Variants in CFAP61 observed in about 807,000 individuals in gnomAD.
CFAP61 encodes the protein cilia- and flagella-associated protein 61.
In CFAP61, 107 loss-of-function variants were observed where a neutral mutation model predicts 135.6. That is an observed-to-expected ratio of 0.79 (90% confidence interval 0.67 to 0.93). The LOEUF (loss-of-function observed/expected upper bound fraction) is 0.93, where lower values mean the gene tolerates loss of function less well. Ranked by LOEUF, CFAP61 falls within the 40% of genes least tolerant of loss-of-function variation. The probability of loss-of-function intolerance (pLI) is 0.00; values close to 1 mark genes in which losing one functional copy is unlikely to be tolerated. For missense variants in CFAP61, 1,507 were observed against 1,556.2 expected (o/e 0.97, Z 0.53); for synonymous variants, 575 against 578.5 (o/e 0.99, Z 0.09).
chr20:20,258,417 T>C (rs948673649), intron 20 of CFAP61: 2 of 152,196 alleles, frequency 1.3e-5, no homozygotes, highest in Non-Finnish European at 2.9e-5. Context: ...AATATGACCT[T>C]CGTTCCTTGG....
At chr20:20,144,031 T>G (rs559523898) in intron 9 of CFAP61, among the ~76,000 whole-genome samples, 4 of 152,352 alleles carry the variant, frequency 2.6e-5, no homozygotes, top group Non-Finnish European at 5.9e-5. Flanking sequence ...TGGAGAATAA[T>G]TAGTTCTAGA....
chr20:20,146,194 G>A (rs572794673), intron 9 of CFAP61, among the ~76,000 whole-genome samples: 1 of 152,274 alleles, frequency 6.6e-6, no homozygotes, highest in Admixed American at 6.5e-5. Context: ...AATAATAATA[G>A]AAAATGGCAT....
At chr20:20,104,877 G>T (rs751202164) in intron 8 of CFAP61, among the ~76,000 whole-genome samples, 29 of 152,024 alleles carry the variant, frequency 1.9e-4, no homozygotes, top group Non-Finnish European at 3.7e-4. Flanking sequence ...CAGTGTTTTT[G>T]GTTTTTCTTT....
At chr20:20,222,922 C>A (rs1333324908) in intron 17 of CFAP61, among the ~76,000 whole-genome samples, 1 of 152,210 alleles carries the variant, frequency 6.6e-6, no homozygotes, top group Non-Finnish European at 1.5e-5. Context: ...AGAAAAATTA[C>A]ATTTATAAAG....
chr20:20,260,601 G>A (rs904834723), intron 20 of CFAP61, among the ~76,000 whole-genome samples: 5 of 152,208 alleles, frequency 3.3e-5, no homozygotes, highest in Admixed American at 1.3e-4. Flanking sequence ...CAAGAATTAT[G>A]TGGATTATCA....
intron 8 of CFAP61, among the ~76,000 whole-genome samples, chr20:20,100,636 C>T (rs1309224859): frequency 1.3e-5 from 2 of 152,108 alleles, no homozygotes; most frequent in African/African-American, 4.8e-5. Flanking sequence ...AATATTTTTT[C>T]CCCTGTGGCT....
rs542199186 is a variant in CFAP61, at chr20:20,176,214, C to A, written c.1385+6754C>A. On this transcript the variant is annotated intron_variant, in intron 13 of 26. Transcript: ENST00000245957. ...AAAGTCAAGCAACAACAGATGCTGG[C>A]GAGACTATGGAGAAATAGGAACAAT... 3.0e-4 allele frequency among the ~76,000 whole-genome samples: 46 copies of A among 152,108 alleles called. 1 individual carries two copies. Among genetic ancestry groups the A allele is most frequent in the South Asian group, 1.0e-3 (5 of 4,818 alleles).
In CFAP61 at chr20:20,251,735, T is replaced by A; in HGVS notation, c.2300T>A (p.Leu767His). 2 of 1,613,850 alleles carry A rather than the reference T, an allele frequency of 1.2e-6. No individual in the cohort carries two copies. The highest frequency in any genetic ancestry group is 1.1e-5 in the South Asian group (1 of 91,072). Residue 767 changes from leucine (L) to histidine (H), a missense_variant, in exon 20 of 27, where the codon CTC becomes CAC. Transcript: ENST00000245957. ...GACGAGATCGTGCCCTACGACCACC[T>A]CATCCTCTGCACCGGGCAGCAGTAC... The part of the protein sequence containing the change: ...STDEIVPYDH[L>H]ILCTGQQYQV...
chr20:20,320,664 C>A (rs574061127), intron 25 of CFAP61, among the ~76,000 whole-genome samples: 1 of 148,112 alleles, frequency 6.8e-6, no homozygotes, highest in Non-Finnish European at 1.5e-5. Flanking sequence ...CAAGACTGCC[C>A]TTGAGCTAAT....
At chr20:20,170,453 T>G (rs1569056203) in intron 13 of CFAP61, among the ~76,000 whole-genome samples, 1 of 152,126 alleles carries the variant, frequency 6.6e-6, no homozygotes, top group African/African-American at 2.4e-5. Context: ...ATAAAAGGCA[T>G]GACCAGACTG....
chr20:20,170,560 T>C (rs1451569402), intron 13 of CFAP61, among the ~76,000 whole-genome samples: 1 of 152,204 alleles, frequency 6.6e-6, no homozygotes, highest in Non-Finnish European at 1.5e-5. Flanking sequence ...AACTGCACCC[T>C]TGAAATGAGT....
At chr20:20,236,585 TA>T (rs1236329085) in intron 18 of CFAP61, among the ~76,000 whole-genome samples, 2 of 152,250 alleles carry the variant, frequency 1.3e-5, no homozygotes, top group African/African-American at 4.8e-5. Context: ...ATTAACATGC[TA>T]AATTGGACCT....
chr20:20,341,358 C>T (rs765152875), intron 25 of CFAP61, among the ~76,000 whole-genome samples: 2 of 152,156 alleles, frequency 1.3e-5, no homozygotes, highest in Non-Finnish European at 2.9e-5. Flanking sequence ...AATTAAGCGT[C>T]GATGCAACCG....
At chr20:20,187,021 A>C (rs1178579124) in intron 13 of CFAP61, among the ~76,000 whole-genome samples, 1 of 152,166 alleles carries the variant, frequency 6.6e-6, no homozygotes, top group Non-Finnish European at 1.5e-5. Context: ...AAGGGCTTGC[A>C]ACCTCTGCAC....
chr20:20,143,123 G>A (rs1382181282), intron 9 of CFAP61, among the ~76,000 whole-genome samples, 175 bp downstream of exon 9: 4 of 152,168 alleles, frequency 2.6e-5, no homozygotes, highest in Non-Finnish European at 4.4e-5. Flanking sequence ...AGGCCTCTGT[G>A]TTTGTAACAG....
Position 20,360,464 on chromosome 20 carries a change from C to A in CFAP61, c.*54C>A. The A allele has an allele frequency of 1.3e-6, 2 of 1,525,412 alleles. No homozygotes were observed. Among genetic ancestry groups the A allele is most frequent in the Non-Finnish European group, 1.8e-6 (2 of 1,108,720 alleles). 94.5% of individuals were successfully genotyped at this position (1,525,412 alleles called of 1,614,324 possible). A position where few individuals can be genotyped will look rare whatever the true frequency, so the allele number is the denominator to read the frequency against. On this transcript the variant is annotated 3_prime_UTR_variant, in exon 27 of 27. Transcript: ENST00000245957. Reference sequence around the variant, plus strand: ...TTCATTTATTTAGTTCCTGGAAACGCGCTCTGTAGAAATAGAAAAGTTCTC... The same window carrying A: ...TTCATTTATTTAGTTCCTGGAAACGAGCTCTGTAGAAATAGAAAAGTTCTC...
At position 20,345,827 on chromosome 20, in the gene CFAP61, C is replaced by G. The variant is rs2058606605; in HGVS notation, c.3513+3906C>G. On this transcript the variant is annotated intron_variant, in intron 26 of 26. Coordinates refer to ENST00000245957, the MANE Select transcript of CFAP61 (RefSeq NM_015585.4). Reference sequence around the variant, plus strand: ...ATCCCAGCTACTCAGGAGGCTGAGGCAGGAGAATCTCTTGAACTCAGGAGG... The same window carrying G: ...ATCCCAGCTACTCAGGAGGCTGAGGGAGGAGAATCTCTTGAACTCAGGAGG... 2.1e-5 allele frequency among the ~76,000 whole-genome samples: 3 copies of G among 143,868 alleles called. No individual in the cohort carries two copies. In the South Asian group the frequency reaches 6.8e-4, roughly 33 times the overall value. 94.4% of individuals were successfully genotyped at this position (143,868 alleles called of 152,430 possible).
At chr20:20,301,085 C>A (rs973407097) in intron 25 of CFAP61, among the ~76,000 whole-genome samples, 1 of 152,048 alleles carries the variant, frequency 6.6e-6, no homozygotes, top group Admixed American at 6.6e-5. Flanking sequence ...ATAATATCTT[C>A]GGTATTGTAT....
At chr20:20,236,658 G>GA (rs910480061) in intron 18 of CFAP61, among the ~76,000 whole-genome samples, 5 of 152,286 alleles carry the variant, frequency 3.3e-5, no homozygotes, top group Non-Finnish European at 4.4e-5. Flanking sequence ...GAAGGCCCAA[G>GA]AAAAAACCTG....
Sources: gnomAD v4.1 joint callset for allele counts (sites outside exome capture counted in the v4.1 genomes callset) on GRCh38, gnomAD v4.1.1 for gene constraint, MANE v1.5 for transcripts, NCBI Gene and HGNC (gene_info 2026-07-23, HGNC 2026-07-21) for gene names.